The following GALNT18 variants were observed in gnomAD, a reference collection of about 807,000 sequenced individuals.
The protein encoded by GALNT18 is polypeptide N-acetylgalactosaminyltransferase 18.
Under a neutral mutation model 69.5 loss-of-function variants are expected in GALNT18, and 44 were observed. That is an observed-to-expected ratio of 0.63 (90% confidence interval 0.50 to 0.81). The LOEUF (loss-of-function observed/expected upper bound fraction) is 0.81. GALNT18 is among the 40% of genes least tolerant of loss of function. The probability of loss-of-function intolerance (pLI) is 0.00; values close to 1 mark genes in which losing one functional copy is unlikely to be tolerated. For missense variants in GALNT18, 715 were observed against 810.0 expected, an observed-to-expected ratio of 0.88 and a Z score of 1.42; for synonymous variants, 364 against 318.2, an observed-to-expected ratio of 1.14 and a Z score of -1.53.
Position 11,423,503 on chromosome 11 carries a change from T to C in GALNT18, c.595+9118A>G, listed in dbSNP as rs138848818. On this transcript the variant is annotated intron_variant, in intron 3 of 10. Coordinates refer to ENST00000227756, the MANE Select transcript of GALNT18 (RefSeq NM_198516.3). ...CCCAACAGAAGCCAGAAAGCCTCTATGCAACCCATCTCTCCTTCTTACTGA... is the reference window on the plus strand; with the variant it reads ...CCCAACAGAAGCCAGAAAGCCTCTACGCAACCCATCTCTCCTTCTTACTGA... Among the ~76,000 whole-genome samples the C allele has an allele frequency of 5.3e-3, 801 of 152,284 alleles. 3 individuals are homozygous for C. Among genetic ancestry groups the C allele is most frequent in the African/African-American group, 0.018 (728 of 41,554 alleles).
In GALNT18 at chr11:11,613,328, G is replaced by A. The variant is rs1859959070; in HGVS notation, c.235+8031C>T. The stretch of plus-strand genomic sequence containing the variant: ...TTCCCAATCACTGCCACAACATACT[G>A]TGCTGTGGAGCAGTTGTGAGGTAAT... On this transcript the variant is annotated intron_variant, in intron 1 of 10. Coordinates refer to ENST00000227756, the MANE Select transcript of GALNT18 (RefSeq NM_198516.3). This position sits in a 1 kb window ranked among gnomAD's most constrained non-coding sequence, Gnocchi z 4.2. Among the ~76,000 whole-genome samples the A allele has an allele frequency of 6.6e-6, 1 of 152,192 alleles. No individual in the cohort carries two copies. The highest frequency in any genetic ancestry group is 2.4e-5 in the African/African-American group (1 of 41,442).
rs539977708 is a variant in GALNT18, at chr11:11,543,661, A to C, written c.235+77698T>G. ...CAGAGCCTCTGTTCCTCCCCTCGCC[A>C]CCCACTGACCTGATGCGAATCCCAT... On this transcript the variant is annotated intron_variant, in intron 1 of 10. Coordinates refer to ENST00000227756, the MANE Select transcript of GALNT18 (RefSeq NM_198516.3). This position sits in a 1 kb window ranked among gnomAD's most constrained non-coding sequence, Gnocchi z 5.1. Among the ~76,000 whole-genome samples the C allele has an allele frequency of 1.8e-4, 27 of 152,274 alleles. No individual in the cohort carries two copies. The South Asian group carries it at 5.4e-3, about 30-fold the overall frequency.
In GALNT18 at chr11:11,461,099, A is replaced by G. The variant is rs934408948; in HGVS notation, c.236-12163T>C. Among the ~76,000 whole-genome samples the G allele has an allele frequency of 1.3e-5, 2 of 152,148 alleles. No individual in the cohort carries two copies. The highest frequency in any genetic ancestry group is 2.9e-5 in the Non-Finnish European group (2 of 68,020). On this transcript the variant is annotated intron_variant, in intron 1 of 10. Transcript: ENST00000227756. This position sits in a 1 kb window ranked among gnomAD's most constrained non-coding sequence, Gnocchi z 4.1. ...TCCGGGCTGACATGGCAGACAAAGG[A>G]CAGGAAGACATCTGACTCTGCAAGC...
chr11:11,385,183 A>T (rs2133702541), intron 3 of GALNT18, among the ~76,000 whole-genome samples: 1 of 152,188 alleles, frequency 6.6e-6, no homozygotes, highest in Admixed American at 6.5e-5. Flanking sequence ...TAGTAGAGGG[A>T]AAACTCACTC....
chr11:11,561,591 G>C (rs1335817443), intron 1 of GALNT18, among the ~76,000 whole-genome samples: 1 of 152,182 alleles, frequency 6.6e-6, no homozygotes, highest in Non-Finnish European at 1.5e-5. Flanking sequence ...TCAAGGAAAG[G>C]CTCGTTGACC....
intron 1 of GALNT18, among the ~76,000 whole-genome samples, chr11:11,458,127 G>C (rs371730318): frequency 2.6e-5 from 4 of 152,098 alleles, no homozygotes; most frequent in South Asian, 2.1e-4. Context: ...TCTGCTATTC[G>C]CTCTCTTTGG....
chr11:11,375,912 T>C (rs886977671), intron 5 of GALNT18, among the ~76,000 whole-genome samples: 1 of 152,160 alleles, frequency 6.6e-6, no homozygotes, highest in Non-Finnish European at 1.5e-5. Flanking sequence ...TAAGTAATAA[T>C]CCCTGACTTT....
chr11:11,321,150 T>C (rs1410129202), intron 9 of GALNT18, among the ~76,000 whole-genome samples: 2 of 152,094 alleles, frequency 1.3e-5, no homozygotes, highest in Admixed American at 1.3e-4. Context: ...ACAAAGGAAT[T>C]AGAGATAAGC....
intron 9 of GALNT18, among the ~76,000 whole-genome samples, chr11:11,295,045 A>G (rs1355703428): frequency 1.3e-5 from 2 of 152,228 alleles, no homozygotes; most frequent in Non-Finnish European, 2.9e-5. Flanking sequence ...CTTTAGCAAA[A>G]GAGGGTGGTT....
intron 3 of GALNT18, among the ~76,000 whole-genome samples, chr11:11,423,691 T>C (rs1855063618): frequency 6.6e-6 from 1 of 152,194 alleles, no homozygotes; most frequent in Admixed American, 6.5e-5. Context: ...AAATAAGTTG[T>C]TTGGAATCAG....
Position 11,341,028 on chromosome 11 carries a change from G to T in GALNT18, c.1093-24C>A. On this transcript the variant is annotated intron_variant, in intron 6 of 10. Coordinates refer to ENST00000227756, the MANE Select transcript of GALNT18 (RefSeq NM_198516.3). This position sits in a 1 kb window ranked among gnomAD's most constrained non-coding sequence, Gnocchi z 6.3. ...ACCTGCAGAAGACATGGAGCCACTT[G>T]TCAGAGCCTGCCTGGCTCTGCCTTT... The T allele has an allele frequency of 6.4e-7, 1 of 1,570,780 alleles. No individual in the cohort carries two copies. The highest frequency in any genetic ancestry group is 1.2e-5 in the South Asian group (1 of 85,464).
rs1855589753 is a variant in GALNT18 at position 11,444,020 on chromosome 11, G to A, written c.428+4724C>T. ...ATTAGGATGTGGACATCTTTGGGAG[G>A]CCATTATTCTGCCTATCCATGAAGC... On this transcript the variant is annotated intron_variant, in intron 2 of 10. Coordinates refer to ENST00000227756, the MANE Select transcript of GALNT18 (RefSeq NM_198516.3). This position sits in a 1 kb window ranked among gnomAD's most constrained non-coding sequence, Gnocchi z 4.4. Among the ~76,000 whole-genome samples the A allele has an allele frequency of 6.6e-6, 1 of 152,146 alleles. No homozygotes were observed. The highest frequency in any genetic ancestry group is 1.5e-5 in the Non-Finnish European group (1 of 68,022).
chr11:11,395,419 A>G (rs1158186551), intron 3 of GALNT18, among the ~76,000 whole-genome samples: 5 of 152,164 alleles, frequency 3.3e-5, no homozygotes, highest in Admixed American at 1.3e-4. Flanking sequence ...TAATCTGCAT[A>G]TGTAGCAGGG....
Position 11,340,738 on chromosome 11 carries a change from G to A in GALNT18, c.1278+81C>T, listed in dbSNP as rs79039861. The A allele has an allele frequency of 0.026, 34,420 of 1,338,222 alleles. 571 individuals carry two copies. The highest frequency in any genetic ancestry group is 0.058 in the Middle Eastern group (304 of 5,206). 82.9% of individuals were successfully genotyped at this position (1,338,222 alleles called of 1,614,324 possible). ...AAACAGGACTCTGGCTGACCCATAG[G>A]AAGAAGGGTTCGGTCCCATATCTTG... On this transcript the variant is annotated intron_variant, in intron 7 of 10. Transcript: ENST00000227756. The surrounding 1 kb of genome is among the most constrained non-coding windows in gnomAD (Gnocchi z 4.2).
At position 11,448,739 on chromosome 11, in the gene GALNT18, C is replaced by T; in HGVS notation, c.428+5G>A. 1.9e-6 allele frequency: 3 copies of T among 1,606,516 alleles called. No individual in the cohort carries two copies. The highest frequency in any genetic ancestry group is 2.6e-6 in the Non-Finnish European group (3 of 1,176,130). ...GACAAGGGCCCAGTCACTGACTCTG[C>T]TCACCCACTGGGTCTGAGGTCAGGC... On this transcript the variant is annotated splice_donor_5th_base_variant and intron_variant, in intron 2 of 10. Transcript: ENST00000227756.
Position 11,595,921 on chromosome 11 carries a change from T to G in GALNT18, c.235+25438A>C, listed in dbSNP as rs182316740. 3.9e-4 allele frequency among the ~76,000 whole-genome samples: 60 copies of G among 152,260 alleles called. 1 individual carries two copies. The East Asian group carries it at 8.3e-3, about 21-fold the overall frequency. The stretch of plus-strand genomic sequence containing the variant: ...CAAATCCAATTTATCCATTTTTTTT[T>G]GTCACTGTGCTTTTGATGTCATACC... On this transcript the variant is annotated intron_variant, in intron 1 of 10. Coordinates refer to ENST00000227756, the MANE Select transcript of GALNT18 (RefSeq NM_198516.3). This position sits in a 1 kb window ranked among gnomAD's most constrained non-coding sequence, Gnocchi z 5.2.
chr11:11,620,649 G>C lies in GALNT18; in HGVS notation c.235+710C>G, dbSNP rs994718212. Among the ~76,000 whole-genome samples the C allele has an allele frequency of 3.9e-5, 6 of 152,176 alleles. No homozygotes were observed. Among genetic ancestry groups the C allele is most frequent in the South Asian group, 2.1e-4 (1 of 4,834 alleles). ...GCGTGTTCTTCCAGTCTTGGGCGGA[G>C]TCATCACCACAGTGGACAGAGACTC... is the stretch of plus-strand genomic sequence containing the variant. On this transcript the variant is annotated intron_variant, in intron 1 of 10. Transcript: ENST00000227756. The surrounding 1 kb of genome is among the most constrained non-coding windows in gnomAD (Gnocchi z 6.9).
In GALNT18 at chr11:11,500,940, C is replaced by T. The variant is rs1275482575; in HGVS notation, c.236-52004G>A. ...GATGCACCTCAGGCCGATTTGCTAG[C>T]TGACTAGCACAGGGGCCTTGGGGCA... On this transcript the variant is annotated intron_variant, in intron 1 of 10. Coordinates refer to ENST00000227756, the MANE Select transcript of GALNT18 (RefSeq NM_198516.3). This position sits in a 1 kb window ranked among gnomAD's most constrained non-coding sequence, Gnocchi z 5.0. 1.3e-5 allele frequency among the ~76,000 whole-genome samples: 2 copies of T among 152,222 alleles called. No individual in the cohort carries two copies. The highest frequency in any genetic ancestry group is 2.9e-5 in the Non-Finnish European group (2 of 68,036).
intron 1 of GALNT18, among the ~76,000 whole-genome samples, chr11:11,589,949 A>G (rs1859316857): frequency 6.6e-6 from 1 of 152,228 alleles, no homozygotes; most frequent in African/African-American, 2.4e-5. Context: ...CCATTAAAGG[A>G]GTATGAGAGG....
Sources: gnomAD v4.1 joint callset for allele counts (sites outside exome capture counted in the v4.1 genomes callset) on GRCh38, gnomAD v4.1.1 for gene constraint, Gnocchi (gnomAD v3.1) non-coding constraint, MANE v1.5 for transcripts, NCBI Gene and HGNC (gene_info 2026-07-23, HGNC 2026-07-21) for gene names.